Variants in SFMBT1 observed in about 807,000 individuals in gnomAD.
SFMBT1 encodes scm-like with four MBT domains protein 1.
A neutral mutation model predicts 108.7 loss-of-function variants in SFMBT1; 32 were observed. The observed-to-expected ratio is 0.29, with a 90% confidence interval of 0.22 to 0.40. The LOEUF (loss-of-function observed/expected upper bound fraction) is 0.40, where lower values mean the gene tolerates loss of function less well. SFMBT1 is among the 10% of genes least tolerant of loss of function. SFMBT1 has a pLI of 1.00. For missense variants in SFMBT1, 816 were observed against 1,059.6 expected (o/e 0.77, Z 3.19); for synonymous variants, 348 against 369.5 (o/e 0.94, Z 0.67).
intron 1 of SFMBT1, among the ~76,000 whole-genome samples, chr3:53,004,184 TCCTTCCTTCCTTCCTTCTTC>T (rs1234350638): frequency 6.7e-6 from 1 of 149,058 alleles, no homozygotes; most frequent in Non-Finnish European, 1.5e-5. Flanking sequence ...CAGGAGCATT[TCCTTCCTTCCTTCCTTCTTC>T]CCTTCCTTCC....
At chr3:52,970,115 A>G (rs1002284846) in intron 1 of SFMBT1, among the ~76,000 whole-genome samples, 15 of 151,942 alleles carry the variant, frequency 9.9e-5, no homozygotes, top group Non-Finnish European at 2.1e-4. Context: ...AAAAAAAAAG[A>G]AGAAGAAAAG....
intron 3 of SFMBT1, among the ~76,000 whole-genome samples, chr3:52,949,882 T>C (rs1575396033): frequency 6.6e-6 from 1 of 152,288 alleles, no homozygotes; most frequent in East Asian, 1.9e-4. Context: ...ATTCCTTGCT[T>C]TGAAGTCAGC....
In SFMBT1 at chr3:52,911,123, C is replaced by G. The variant is rs940640665; in HGVS notation, c.1786G>C (p.Val596Leu). The G allele has an allele frequency of 6.2e-7, 1 of 1,613,976 alleles. No homozygotes were observed. The highest frequency in any genetic ancestry group is 1.3e-5 in the African/African-American group (1 of 74,938). Residue 596 changes from valine (V) to leucine (L), a missense_variant, in exon 17 of 21, where the codon GTG becomes CTG. By Grantham distance (32) the Val-to-Leu change is conservative (BLOSUM62 1). Transcript: ENST00000394752. ...TVEIVKTADR[V>L]TEFCRQTCIK... ...CAGGTTTGCCGGCAGAATTCAGTCA[C>G]CCGATCTGCTGTTTTCACTATCTCA...
intron 1 of SFMBT1, among the ~76,000 whole-genome samples, chr3:53,022,855 A>C (rs915322637): frequency 1.3e-5 from 2 of 152,238 alleles, no homozygotes; most frequent in African/African-American, 4.8e-5. Flanking sequence ...TGGTTGCACA[A>C]CACTATGAAC....
At chr3:52,924,547 C>T (rs1479535781) in intron 10 of SFMBT1, among the ~76,000 whole-genome samples, 1 of 152,044 alleles carries the variant, frequency 6.6e-6, no homozygotes, top group East Asian at 1.9e-4. Context: ...GAGGGTGAGG[C>T]AGGACAATCT....
chr3:52,983,375 CTTATG>C (rs1355997625), intron 1 of SFMBT1, among the ~76,000 whole-genome samples: 4 of 152,092 alleles, frequency 2.6e-5, no homozygotes, highest in Admixed American at 6.5e-5. Flanking sequence ...TGATTGACTG[CTTATG>C]TTATTGTGGT....
intron 1 of SFMBT1, among the ~76,000 whole-genome samples, chr3:53,015,283 T>TAA (rs559803064): frequency 1.8e-3 from 264 of 147,862 alleles, no homozygotes; most frequent in African/African-American, 5.4e-3. Flanking sequence ...ATGGTTATCA[T>TAA]AAAAAAAAAA....
At chr3:53,005,670 C>T (rs1698714170) in intron 1 of SFMBT1, among the ~76,000 whole-genome samples, 1 of 152,112 alleles carries the variant, frequency 6.6e-6, no homozygotes, top group African/African-American at 2.4e-5. Context: ...AGGATAAAAG[C>T]AAAAACATAG....
chr3:52,933,576 G>C (rs1702921395), intron 5 of SFMBT1, among the ~76,000 whole-genome samples: 2 of 152,142 alleles, frequency 1.3e-5, no homozygotes, highest in South Asian at 4.1e-4. Flanking sequence ...GCATGGCAGA[G>C]TCATGGTCAA....
At chr3:52,991,415 G>T (rs764246073) in intron 1 of SFMBT1, among the ~76,000 whole-genome samples, 1 of 130,748 alleles carries the variant, frequency 7.6e-6, no homozygotes, top group Non-Finnish European at 1.6e-5. Context: ...CACAATCTCA[G>T]CTCACTGCAA....
intron 5 of SFMBT1, among the ~76,000 whole-genome samples, chr3:52,933,063 C>T (rs910343047): frequency 1.3e-5 from 2 of 152,190 alleles, no homozygotes; most frequent in Admixed American, 1.3e-4. Flanking sequence ...CACTCTTTTT[C>T]TCCATACAAG....
chr3:52,983,933 T>G (rs914233684), intron 1 of SFMBT1, among the ~76,000 whole-genome samples: 27 of 152,124 alleles, frequency 1.8e-4, no homozygotes, highest in African/African-American at 6.5e-4. Flanking sequence ...TGCAGCTATG[T>G]GAGAAGAAAG....
intron 1 of SFMBT1, among the ~76,000 whole-genome samples, chr3:52,972,182 T>C (rs1170205135): frequency 2.0e-5 from 3 of 152,256 alleles, no homozygotes; most frequent in Admixed American, 6.5e-5. Flanking sequence ...TGGAACATGC[T>C]AGAGTATTTT....
At chr3:52,959,252 CATCCTGCACATGT>C (rs1418256807) in intron 2 of SFMBT1, among the ~76,000 whole-genome samples, 1 of 152,174 alleles carries the variant, frequency 6.6e-6, no homozygotes, top group East Asian at 1.9e-4. Flanking sequence ...CAAACCTGCA[CATCCTGCACATGT>C]ATCCCGGAAA....
Position 52,904,857 on chromosome 3 carries a change from C to T in SFMBT1, c.*279G>A, listed in dbSNP as rs1474924551. On this transcript the variant is annotated 3_prime_UTR_variant, in exon 21 of 21. Transcript: ENST00000394752. ...TTTTCAGGCCACACCACTGGAAATGCTTTTCTTCTTATATAAGTCTTTTCC... is the reference window on the plus strand; with the variant it reads ...TTTTCAGGCCACACCACTGGAAATGTTTTTCTTCTTATATAAGTCTTTTCC... The T allele has an allele frequency of 3.3e-6, 1 of 300,670 alleles. No individual in the cohort carries two copies. Among genetic ancestry groups the T allele is most frequent in the Admixed American group, 5.0e-5 (1 of 19,842 alleles). The allele number at this position is 300,670 out of a possible 1,614,324, so 18.6% of individuals were successfully genotyped here.
chr3:53,024,512 G>A (rs1201832120), intron 1 of SFMBT1, among the ~76,000 whole-genome samples: 1 of 150,626 alleles, frequency 6.6e-6, no homozygotes, highest in Non-Finnish European at 1.5e-5. Context: ...AGCCACTGCA[G>A]TAAATTCTGA....
chr3:53,008,243 C>T (rs1348571503), intron 1 of SFMBT1, among the ~76,000 whole-genome samples: 1 of 152,120 alleles, frequency 6.6e-6, no homozygotes, highest in Non-Finnish European at 1.5e-5. Context: ...AATGTCCTTA[C>T]CATTGGAAAC....
Position 52,998,877 on chromosome 3 carries a change from C to T in SFMBT1, c.-130-29619G>A, listed in dbSNP as rs570604131. Among the ~76,000 whole-genome samples, 20 of 150,482 alleles carry T rather than the reference C, an allele frequency of 1.3e-4. 1 individual carries two copies. The highest frequency in any genetic ancestry group is 2.7e-4 in the Non-Finnish European group (18 of 67,122). ...GGTGACGGCTGTGCAGCGCTGCTCG[C>T]CTAGCTGTTGATCGCCTGGCTGTTG... On this transcript the variant is annotated intron_variant, in intron 1 of 20. Coordinates refer to ENST00000394752, the MANE Select transcript of SFMBT1 (RefSeq NM_016329.4).
chr3:52,979,870 T>G (rs566803843), intron 1 of SFMBT1, among the ~76,000 whole-genome samples: 1 of 152,306 alleles, frequency 6.6e-6, no homozygotes, highest in East Asian at 1.9e-4. Context: ...AGTGTGTAGA[T>G]AGCCAGCAAT....
Sources: gnomAD v4.1 joint callset for allele counts (sites outside exome capture counted in the v4.1 genomes callset) on GRCh38, gnomAD v4.1.1 for gene constraint, MANE v1.5 for transcripts, NCBI Gene and HGNC (gene_info 2026-07-23, HGNC 2026-07-21) for gene names.